SHPK: variants seen among roughly 807,000 people sequenced by gnomAD.
SHPK encodes the protein sedoheptulokinase, also known as carbohydrate kinase-like protein.
A neutral mutation model predicts 46.3 loss-of-function variants in SHPK; 51 were observed. The ratio of observed to expected loss-of-function variants is 1.10; its 90% CI spans 0.88 to 1.39. The LOEUF (loss-of-function observed/expected upper bound fraction) is 1.39. Ranked by LOEUF, SHPK falls within the 40% of genes most tolerant of loss-of-function variation. SHPK has a pLI of 0.00. For missense variants in SHPK, 668 were observed against 641.3 expected, an observed-to-expected ratio of 1.04 and a Z score of -0.45; for synonymous variants, 290 against 273.9, an observed-to-expected ratio of 1.06 and a Z score of -0.58.
chr17:3,615,238 T>A, intron 6 of SHPK, 99 bp downstream of exon 6: 12 of 1,182,646 alleles, frequency 1.0e-5, no homozygotes, highest in Non-Finnish European at 1.4e-5. Context: ...GACCTCAATG[T>A]GGACGCTGAA....
intron 5 of SHPK, 30 bp from the exon 6 acceptor site, chr17:3,615,567 C>T (rs759660316): frequency 7.5e-6 from 12 of 1,603,606 alleles, no homozygotes; most frequent in Admixed American, 1.7e-5. Flanking sequence ...GAGCTTAGGC[C>T]TGTCGGGCTA....
chr17:3,630,427 G>A (rs957545911), intron 1 of SHPK, 81 bp from the exon 2 acceptor site: 4 of 1,411,004 alleles, frequency 2.8e-6, no homozygotes, highest in African/African-American at 2.8e-5. Flanking sequence ...ATGTCCTGGA[G>A]GAGGAATGCA....
intron 6 of SHPK, among the ~76,000 whole-genome samples, chr17:3,614,863 G>T (rs974629097): frequency 1.8e-5 from 2 of 108,484 alleles, no homozygotes; most frequent in African/African-American, 1.0e-4. Context: ...AAAAAAAAAA[G>T]AAGAAGAAGA....
intron 1 of SHPK, among the ~76,000 whole-genome samples, chr17:3,635,243 A>AAGGAAGGAAGGGAGGAAGGG (rs1567688970): frequency 6.8e-6 from 1 of 146,958 alleles, no homozygotes; most frequent in African/African-American, 2.5e-5. Flanking sequence ...GGAAGGAAGG[A>AAGGAAGGAAGGGAGGAAGGG]AGGGAAGGAA....
At chr17:3,630,759 G>A (rs2075465782) in intron 1 of SHPK, among the ~76,000 whole-genome samples, 1 of 152,188 alleles carries the variant, frequency 6.6e-6, no homozygotes, top group Non-Finnish European at 1.5e-5. Flanking sequence ...AGCTACTCAG[G>A]AGGCTGAGGC....
In SHPK at chr17:3,624,044, G is replaced by GT. The variant is rs2150871890; in HGVS notation, c.494+3dup. 1 of 1,599,526 alleles carries GT rather than the reference G, an allele frequency of 6.3e-7. No homozygotes were observed. The highest frequency in any genetic ancestry group is 2.2e-5 in the East Asian group (1 of 44,532). ...CACCCGAGTGAAAGTGCAGTTGCCC[G>GT]TACCGATATTTCAAAAGCCAGAAGA... On this transcript the variant is annotated splice_donor_region_variant and intron_variant, in intron 3 of 6. Transcript: ENST00000225519.
intron 4 of SHPK, among the ~76,000 whole-genome samples, chr17:3,622,041 C>A (rs2075406691): frequency 6.6e-6 from 1 of 152,100 alleles, no homozygotes; most frequent in African/African-American, 2.4e-5. Context: ...ACCTCAACCT[C>A]CCAGGCTCAA....
Position 3,624,211 on chromosome 17 carries a change from C to G in SHPK, c.331G>C (p.Gly111Arg). The G allele has an allele frequency of 6.2e-7, 1 of 1,612,446 alleles. No homozygotes were observed. The highest frequency in any genetic ancestry group is 1.3e-5 in the African/African-American group (1 of 75,022). Residue 111 changes from glycine (G) to arginine (R), a missense_variant, in exon 3 of 7, where the codon GGG (glycine) becomes CGG (arginine). Gly to Arg is a moderately radical substitution (Grantham distance 125, BLOSUM62 -2). Coordinates refer to ENST00000225519, the MANE Select transcript of SHPK (RefSeq NM_013276.4). ...TGQGCEWTEG[G>R]ITPVFEPRAV... ...CGGGGCTCGAACACCGGGGTAATCC[C>G]TCCCTCTGTCCATTCACAGCCTGGA...
At chr17:3,631,511 G>GATT (rs2075471589) in intron 1 of SHPK, among the ~76,000 whole-genome samples, 1 of 38,276 alleles carries the variant, frequency 2.6e-5, no homozygotes, top group Admixed American at 3.9e-4. Flanking sequence ...CTAATTTAAT[G>GATT]CTTTTTTTTT....
At chr17:3,615,173 G>C (rs2075364634) in intron 6 of SHPK, among the ~76,000 whole-genome samples, 164 bp downstream of exon 6, 1 of 152,190 alleles carries the variant, frequency 6.6e-6, no homozygotes, top group Non-Finnish European at 1.5e-5. Context: ...AAAAGAGGCT[G>C]CAAGCTCAGA....
At chr17:3,614,620 G>A (rs2075361322) in intron 6 of SHPK, among the ~76,000 whole-genome samples, 1 of 152,082 alleles carries the variant, frequency 6.6e-6, no homozygotes, top group South Asian at 2.1e-4. Flanking sequence ...GGCCGAGGCG[G>A]GTGGATCACC....
In SHPK at chr17:3,610,270, AG is replaced by A; in HGVS notation, c.*289del. The A allele has an allele frequency of 2.9e-6, 1 of 345,578 alleles. No homozygotes were observed. Among genetic ancestry groups the A allele is most frequent in the Non-Finnish European group, 5.4e-6 (1 of 184,702 alleles). The allele number at this position is 345,578 out of a possible 1,614,324, so 21.4% of individuals were successfully genotyped here. A position where few individuals can be genotyped will look rare whatever the true frequency, so the allele number is the denominator to read the frequency against. On this transcript the variant is annotated 3_prime_UTR_variant, in exon 7 of 7. Transcript: ENST00000225519. ...ACCACAGATGAGCCTGCTGACCAGC[AG>A]GCTGGGCTACTGTGCTCTCATGCTC...
chr17:3,618,703 T>G (rs2075381877), intron 5 of SHPK, among the ~76,000 whole-genome samples: 1 of 151,714 alleles, frequency 6.6e-6, no homozygotes, highest in Non-Finnish European at 1.5e-5. Flanking sequence ...TCACTTGAAC[T>G]CAGGAGGCGG....
intron 1 of SHPK, among the ~76,000 whole-genome samples, chr17:3,635,163 C>G (rs1208850189): frequency 1.0e-5 from 1 of 96,614 alleles, no homozygotes; most frequent in African/African-American, 3.2e-5. Context: ...CAGAGCGAGA[C>G]TTGGTAAGAA....
intron 6 of SHPK, among the ~76,000 whole-genome samples, chr17:3,613,845 C>A (rs543425771): frequency 6.8e-4 from 103 of 152,202 alleles, no homozygotes; most frequent in South Asian, 3.1e-3. Context: ...CAGCCACGTG[C>A]CACCATGCAC....
chr17:3,633,577 G>A (rs1215676022), intron 1 of SHPK, among the ~76,000 whole-genome samples: 1 of 152,084 alleles, frequency 6.6e-6, no homozygotes, highest in Non-Finnish European at 1.5e-5. Flanking sequence ...GGTGTGGGGG[G>A]GTTAATGACT....
At chr17:3,621,892 G>A (rs224507) in intron 4 of SHPK, among the ~76,000 whole-genome samples, 96,511 of 151,506 alleles carry the variant, frequency 0.64, 31,178 homozygotes, top group East Asian at 0.92. Context: ...ACCTCACATC[G>A]TTCACCCGCT....
intron 2 of SHPK, among the ~76,000 whole-genome samples, chr17:3,629,137 G>C (rs1172894577): frequency 6.6e-6 from 1 of 152,110 alleles, no homozygotes; most frequent in Non-Finnish European, 1.5e-5. Flanking sequence ...GGATTCAAAA[G>C]TGGGGTTCAC....
intron 1 of SHPK, among the ~76,000 whole-genome samples, chr17:3,631,062 G>C (rs771580104): frequency 1.3e-5 from 2 of 151,930 alleles, no homozygotes; most frequent in Non-Finnish European, 2.9e-5. Flanking sequence ...AAAACCTCTC[G>C]CTTGCCCCTG....
Sources: allele counts gnomAD v4.1 joint callset (sites outside exome capture counted in the v4.1 genomes callset), GRCh38; gene constraint gnomAD v4.1.1; transcripts MANE v1.5; gene names NCBI Gene and HGNC (gene_info 2026-07-23, HGNC 2026-07-21).